PPP1R16A: variants seen among roughly 807,000 people sequenced by gnomAD.
PPP1R16A encodes myosin phosphatase-targeting subunit 3.
Under a neutral mutation model 46.6 loss-of-function variants are expected in PPP1R16A, and 39 were observed. That is an observed-to-expected ratio of 0.84 (90% CI 0.65 to 1.09). The LOEUF (loss-of-function observed/expected upper bound fraction) is 1.09. PPP1R16A is among the 50% of genes least tolerant of loss of function. PPP1R16A has a pLI of 0.00. For missense variants in PPP1R16A, 798 were observed against 735.6 expected, an observed-to-expected ratio of 1.08 and a Z score of -0.98; for synonymous variants, 413 against 321.5, an observed-to-expected ratio of 1.28 and a Z score of -3.04.
rs1211738690 is a variant in PPP1R16A at position 144,499,006 on chromosome 8, C to G, written c.421C>G (p.Leu141Val). The change falls in exon 5 of 12, where the codon CTG becomes GTG. Residue 141 changes from leucine to valine, a missense_variant. Physicochemically the swap from Leu to Val is conservative, Grantham distance 32 (BLOSUM62 1). Coordinates refer to ENST00000435887, the MANE Select transcript of PPP1R16A (RefSeq NM_001329443.2). ...CTGTGACAGTGAGTGCTGGACGCCT[C>G]TGCATGCTGCGGCCACCTGCGGCCA... ...NACDSECWTP[L>V]HAAATCGHLH... 1 of 1,599,156 alleles carries G rather than the reference C, an allele frequency of 6.3e-7. No homozygotes were observed. The highest frequency in any genetic ancestry group is 1.7e-5 in the Admixed American group (1 of 59,844).
At chr8:144,490,342 A>G (rs1825764924) in intron 2 of PPP1R16A, 130 bp downstream of exon 2, 1 of 152,272 alleles carries the variant, frequency 6.6e-6, no homozygotes, top group African/African-American at 2.4e-5. Context: ...CCCCGTATCT[A>G]CTAAAGATAC....
chr8:144,494,108 T>C (rs542731054), intron 2 of PPP1R16A, among the ~76,000 whole-genome samples: 1 of 152,262 alleles, frequency 6.6e-6, no homozygotes, highest in South Asian at 2.1e-4. Context: ...TTTTTAAAAA[T>C]CTGTTTTAAT....
rs1031348254 is a variant in PPP1R16A at position 144,496,998 on chromosome 8, GGCCCATGCCCCCCAGGGCT to G, written c.-193_-175del. 4.3e-6 allele frequency: 3 copies of G among 692,064 alleles called. No homozygotes were observed. In the African/African-American group the frequency reaches 5.4e-5, roughly 12 times the overall value. The allele number at this position is 692,064 out of a possible 1,614,324, so 42.9% of individuals were successfully genotyped here. A position where few individuals can be genotyped will look rare whatever the true frequency, so the allele number is the denominator to read the frequency against. On this transcript the variant is annotated 5_prime_UTR_variant, in exon 3 of 12. The change abolishes an upstream ATG in the 5' untranslated region. Transcript: ENST00000435887. ...CCTCCCACACTGCCCTCCCTGCCCC[GGCCCATGCCCCCCAGGGCT>G]GCCTGGGCCTGGTTATTGTGTGGGG... is the stretch of plus-strand genomic sequence containing the variant.
chr8:144,482,633 A>G (rs1825477205), intron 1 of PPP1R16A, among the ~76,000 whole-genome samples: 1 of 146,046 alleles, frequency 6.8e-6, no homozygotes, highest in African/African-American at 2.5e-5. Context: ...GACTACAGGC[A>G]CATGCCAGCA....
intron 3 of PPP1R16A, chr8:144,497,683 C>T (rs926332095): frequency 3.3e-5 from 22 of 671,974 alleles, no homozygotes; most frequent in South Asian, 1.2e-4. Flanking sequence ...GTCCTTCAGG[C>T]GGGGGCTGCA....
intron 2 of PPP1R16A, chr8:144,495,726 G>T (rs999163780): frequency 6.6e-6 from 1 of 152,466 alleles, no homozygotes; most frequent in African/African-American, 2.4e-5. Flanking sequence ...CTGAGCCACC[G>T]CGCCTGGCCA....
At chr8:144,485,242 G>C (rs1175260827) in intron 1 of PPP1R16A, among the ~76,000 whole-genome samples, 6 of 102,060 alleles carry the variant, frequency 5.9e-5, no homozygotes, top group Admixed American at 1.8e-4. Context: ...AAAAAAAAAG[G>C]CCAGGCGCAG....
At position 144,497,625 on chromosome 8, in the gene PPP1R16A, A is replaced by C. The variant is rs369596911; in HGVS notation, c.259+172A>C. 206 of 901,500 alleles carry C rather than the reference A, an allele frequency of 2.3e-4. No homozygotes were observed. The African/African-American group carries it at 2.7e-3, about 12-fold the overall frequency. The allele number at this position is 901,500 out of a possible 1,614,324, so 55.8% of individuals were successfully genotyped here. ...GTGGCCCAGGGTGCCCCCATCAGGC[A>C]AGCCCCAAGCAGTGGGCAGCCCTGA... On this transcript the variant is annotated intron_variant, in intron 3 of 11. Coordinates refer to ENST00000435887, the MANE Select transcript of PPP1R16A (RefSeq NM_001329443.2).
intron 5 of PPP1R16A, 176 bp downstream of exon 5, chr8:144,499,237 C>A: frequency 1.1e-6 from 1 of 876,256 alleles, no homozygotes; most frequent in Non-Finnish European, 1.7e-6. Flanking sequence ...GGGGAATGGG[C>A]ATGTGCCCAG....
In PPP1R16A at chr8:144,500,585, G is replaced by C. The variant is rs1302901406; in HGVS notation, c.804G>C (p.Pro268=). The C allele has an allele frequency of 1.3e-6, 2 of 1,599,126 alleles. No homozygotes were observed. Among genetic ancestry groups the C allele is most frequent in the Non-Finnish European group, 1.7e-6 (2 of 1,179,050 alleles). The change falls in exon 8 of 12, where the codon CCG becomes CCC. Residue 268 remains proline, a synonymous_variant. Coordinates refer to ENST00000435887, the MANE Select transcript of PPP1R16A (RefSeq NM_001329443.2). ...CTAAGGACCAAGACGGCTGGGAGCC[G>C]CTGCACGCCGCGGCCTACTGGGGCC... ...LSAKDQDGWE[P]LHAAAYWGQV...
rs138353402 is a variant in PPP1R16A, at chr8:144,501,756, G to C, written c.1440G>C (p.Glu480Asp). The C allele has an allele frequency of 5.1e-6, 8 of 1,572,046 alleles. No individual in the cohort carries two copies. Among genetic ancestry groups the C allele is most frequent in the Non-Finnish European group, 6.9e-6 (8 of 1,159,750 alleles). The change falls in exon 12 of 12, where the codon GAG becomes GAC. Residue 480 changes from glutamate to aspartate, a missense_variant. Glu to Asp is a conservative substitution (Grantham distance 45). Coordinates refer to ENST00000435887, the MANE Select transcript of PPP1R16A (RefSeq NM_001329443.2). ...CACCTGAGGGGCCCGAGAGCCCTGA[G>C]ACAGCTGAGCCTGGCCTGCCTGGTG... The part of the protein sequence containing the change: ...RPPPEGPESP[E>D]TAEPGLPGDT...
chr8:144,481,178 C>T (rs1347806785), intron 1 of PPP1R16A, among the ~76,000 whole-genome samples: 5 of 152,108 alleles, frequency 3.3e-5, no homozygotes, highest in South Asian at 2.1e-4. Context: ...GCGTGACCAC[C>T]GCGCCCGGCC....
chr8:144,484,570 C>T (rs1462622864), intron 1 of PPP1R16A, among the ~76,000 whole-genome samples: 1 of 152,250 alleles, frequency 6.6e-6, no homozygotes, highest in African/African-American at 2.4e-5. Flanking sequence ...ATTTAGGCAT[C>T]TGGGCCTTTG....
chr8:144,479,148 G>A (rs1825296293), intron 1 of PPP1R16A: 1 of 152,276 alleles, frequency 6.6e-6, no homozygotes, highest in Non-Finnish European at 1.5e-5. Context: ...TGGGCCTCCT[G>A]AAGAGGCCTC....
Position 144,493,064 on chromosome 8 carries a change from G to A in PPP1R16A, c.-735+2852G>A, listed in dbSNP as rs1036500835. ...GAGTAGAGAGGGCACTGAGGCTCTC[G>A]GGCCTGGAGCTGTCCTCACGGGGGC... is the stretch of plus-strand genomic sequence containing the variant. On this transcript the variant is annotated intron_variant, in intron 2 of 11. Coordinates refer to ENST00000435887, the MANE Select transcript of PPP1R16A (RefSeq NM_001329443.2). This position sits in a 1 kb window ranked among gnomAD's most constrained non-coding sequence, Gnocchi z 4.3. Among the ~76,000 whole-genome samples the A allele has an allele frequency of 3.9e-5, 6 of 152,110 alleles. No individual in the cohort carries two copies. The highest frequency in any genetic ancestry group is 6.5e-5 in the Admixed American group (1 of 15,278).
Position 144,500,193 on chromosome 8 carries a change from G to A in PPP1R16A, c.574G>A (p.Asp192Asn), listed in dbSNP as rs765236131. ...TLDCLETAMA[D>N]RGITQDSIEA... ...GGACTGCCTGGAGACTGCCATGGCCGACCGTGGTAGGTGCGGCGGTGCGGC... is the reference window on the plus strand; with the variant it reads ...GGACTGCCTGGAGACTGCCATGGCCAACCGTGGTAGGTGCGGCGGTGCGGC... The change falls in exon 6 of 12, where the codon GAC becomes AAC. Residue 192 changes from aspartate (D) to asparagine (N), a missense_variant. Physicochemically the swap from Asp to Asn is conservative, Grantham distance 23. Transcript: ENST00000435887. 7 of 1,607,454 alleles carry A rather than the reference G, an allele frequency of 4.4e-6. No homozygotes were observed. Among genetic ancestry groups the A allele is most frequent in the South Asian group, 1.1e-5 (1 of 90,062 alleles).
Position 144,487,603 on chromosome 8 carries a change from C to G in PPP1R16A, c.-913-2431C>G, listed in dbSNP as rs543363767. 1.7e-4 allele frequency among the ~76,000 whole-genome samples: 26 copies of G among 152,322 alleles called. No individual in the cohort carries two copies. In the South Asian group the frequency reaches 5.2e-3, roughly 30 times the overall value. ...TAGGCTGGCCTTGAATCCCTGGGCT[C>G]AAGTGATCCTCCTGCCTCGGCCTCC... On this transcript the variant is annotated intron_variant, in intron 1 of 11. Transcript: ENST00000435887.
intron 2 of PPP1R16A, among the ~76,000 whole-genome samples, chr8:144,494,703 G>T (rs906923403): frequency 6.6e-6 from 1 of 152,142 alleles, no homozygotes; most frequent in African/African-American, 2.4e-5. Flanking sequence ...TGGGGTGGGG[G>T]TGAGTAGCTA....
chr8:144,498,960 G>A lies in PPP1R16A; in HGVS notation c.375G>A (p.Glu125=). ...DFREMVQQLL[E]AGANINACDS... ...GAGAGATGGTGCAGCAGCTCCTGGAGGCTGGGGCCAACATCAATGCCTGTG... is the reference window on the plus strand; with the variant it reads ...GAGAGATGGTGCAGCAGCTCCTGGAAGCTGGGGCCAACATCAATGCCTGTG... Residue 125 remains glutamate (E), a synonymous_variant, in exon 5 of 12, where the codon GAG becomes GAA. Coordinates refer to ENST00000435887, the MANE Select transcript of PPP1R16A (RefSeq NM_001329443.2). 1 of 1,612,466 alleles carries A rather than the reference G, an allele frequency of 6.2e-7. No individual in the cohort carries two copies. The highest frequency in any genetic ancestry group is 8.5e-7 in the Non-Finnish European group (1 of 1,179,784).
Sources: gnomAD v4.1 joint callset for allele counts (sites outside exome capture counted in the v4.1 genomes callset) on GRCh38, gnomAD v4.1.1 for gene constraint, Gnocchi (gnomAD v3.1) non-coding constraint, MANE v1.5 for transcripts, NCBI Gene and HGNC (gene_info 2026-07-23, HGNC 2026-07-21) for gene names.